MMP28: variants seen among roughly 807,000 people sequenced by gnomAD.
MMP28 encodes matrix metallopeptidase 28.
In MMP28, 55 loss-of-function variants were observed where a neutral mutation model predicts 60.5. The observed-to-expected ratio is 0.91, with a 90% CI of 0.73 to 1.14. The LOEUF (loss-of-function observed/expected upper bound fraction) is 1.14. Among genes scored for constraint, MMP28 ranks in the 50% most tolerant of loss-of-function variants. The pLI is 0.00. For missense variants in MMP28, 686 were observed against 738.3 expected (o/e 0.93, Z 0.82); for synonymous variants, 318 against 312.5 (o/e 1.02, Z -0.18).
chr17:35,767,110 C>A (rs546091160), intron 7 of MMP28: 2 of 706,604 alleles, frequency 2.8e-6, no homozygotes, highest in Non-Finnish European at 5.1e-6. Flanking sequence ...CAGCAGGTGT[C>A]AGCAGAGGGC....
chr17:35,760,875 T>G, downstream of MMP28: 1 of 1,599,028 alleles, frequency 6.3e-7, no homozygotes. Context: ...CAAAGTTCTA[T>G]GGGTTCTGGG....
rs116384806 is a variant in MMP28, at chr17:35,778,280, G to A, written c.379+608C>T. Among the ~76,000 whole-genome samples the A allele has an allele frequency of 5.3e-3, 805 of 152,240 alleles. 6 individuals carry two copies. The highest frequency in any genetic ancestry group is 0.012 in the African/African-American group (507 of 41,540). ...TCCATTGAGACAGAAGTGGATTAGCGGTTGCCAGAGGCTAGGGGAGGGGGA... is the reference window on the plus strand; with the variant it reads ...TCCATTGAGACAGAAGTGGATTAGCAGTTGCCAGAGGCTAGGGGAGGGGGA... On this transcript the variant is annotated intron_variant, in intron 3 of 7. Transcript: ENST00000605424.
intron 1 of MMP28, among the ~76,000 whole-genome samples, chr17:35,782,068 T>C (rs2143484027): frequency 6.6e-6 from 1 of 150,932 alleles, no homozygotes; most frequent in African/African-American, 2.4e-5. Context: ...TTTTTTTTTT[T>C]TGAGACAGAG....
At chr17:35,758,600 G>A (rs1243998019) in intron 2 of MMP28, among the ~76,000 whole-genome samples, 1 of 152,142 alleles carries the variant, frequency 6.6e-6, no homozygotes, top group African/African-American at 2.4e-5. Flanking sequence ...ATTGAGGCAG[G>A]AGAATTGCTT....
chr17:35,773,790 T>G (rs2086243919), intron 3 of MMP28, among the ~76,000 whole-genome samples: 1 of 152,206 alleles, frequency 6.6e-6, no homozygotes, highest in African/African-American at 2.4e-5. Flanking sequence ...CTGTGTCTGT[T>G]GCTACCAGCA....
At chr17:35,782,113 G>A (rs562974019) in intron 1 of MMP28, among the ~76,000 whole-genome samples, 108 of 149,912 alleles carry the variant, frequency 7.2e-4, no homozygotes, top group Middle Eastern at 6.8e-3. Flanking sequence ...GTACAGTGGC[G>A]TGATCTTGGC....
intron 3 of MMP28, among the ~76,000 whole-genome samples, chr17:35,775,820 A>G (rs760265526): frequency 6.6e-6 from 1 of 152,230 alleles, no homozygotes; most frequent in Non-Finnish European, 1.5e-5. Context: ...AAGGAACAGG[A>G]AGCCTGCAGG....
chr17:35,768,674 G>A (rs956218573), intron 5 of MMP28, among the ~76,000 whole-genome samples: 1 of 152,182 alleles, frequency 6.6e-6, no homozygotes, highest in Admixed American at 6.5e-5. Flanking sequence ...ACCAGGCATG[G>A]TGGTGCACAC....
chr17:35,759,916 C>T (rs1463799683), intron 2 of MMP28, among the ~76,000 whole-genome samples: 1 of 152,198 alleles, frequency 6.6e-6, no homozygotes, highest in African/African-American at 2.4e-5. Context: ...TTTCTGGCAG[C>T]ACCCATGAAA....
At chr17:35,778,675 A>G in intron 3 of MMP28, 1 of 1,186,276 alleles carries the variant, frequency 8.4e-7, no homozygotes, top group Non-Finnish European at 1.1e-6. Flanking sequence ...CACTTGTACA[A>G]TGAAAATTCA....
chr17:35,791,836 C>T lies in MMP28; in HGVS notation c.111+3431G>A, dbSNP rs187488322. Among the ~76,000 whole-genome samples the T allele has an allele frequency of 3.7e-4, 56 of 152,302 alleles. 1 individual carries two copies. Among genetic ancestry groups the T allele is most frequent in the Admixed American group, 3.3e-3 (50 of 15,296 alleles). ...AAGCATCACACAGTCTCACCCTACACGTGCTAGCACAGTCCCCAGGGAAGG... is the reference window on the plus strand; with the variant it reads ...AAGCATCACACAGTCTCACCCTACATGTGCTAGCACAGTCCCCAGGGAAGG... On this transcript the variant is annotated intron_variant, in intron 1 of 7. Coordinates refer to ENST00000605424, the MANE Select transcript of MMP28 (RefSeq NM_024302.5).
At position 35,766,900 on chromosome 17, in the gene MMP28, G is replaced by A. The variant is rs1555603680; in HGVS notation, c.1169-6C>T. The A allele has an allele frequency of 6.4e-7, 1 of 1,568,346 alleles. No homozygotes were observed. Among genetic ancestry groups the A allele is most frequent in the South Asian group, 1.2e-5 (1 of 85,212 alleles). Reference sequence around the variant, plus strand: ...GAACCTCCAGCATCGACCCCCTGTGGGGAATTGGGAGAGCCAGGGTGAGCT... The same window carrying A: ...GAACCTCCAGCATCGACCCCCTGTGAGGAATTGGGAGAGCCAGGGTGAGCT... On this transcript the variant is annotated splice_region_variant and splice_polypyrimidine_tract_variant and intron_variant, in intron 7 of 7. Coordinates refer to ENST00000605424, the MANE Select transcript of MMP28 (RefSeq NM_024302.5). This position sits in a 1 kb window ranked among gnomAD's most constrained non-coding sequence, Gnocchi z 4.3.
intron 4 of MMP28, among the ~76,000 whole-genome samples, chr17:35,772,625 G>A (rs2086191060): frequency 6.6e-6 from 1 of 152,232 alleles, no homozygotes; most frequent in African/African-American, 2.4e-5. Context: ...AGGTTCTGAA[G>A]GCTAGCGTTA....
intron 2 of MMP28, among the ~76,000 whole-genome samples, chr17:35,758,809 A>G (rs587644732): frequency 6.6e-6 from 1 of 152,236 alleles, no homozygotes; most frequent in Non-Finnish European, 1.5e-5. Flanking sequence ...AACCCAAAAC[A>G]GCCTTGGGAA....
At position 35,766,937 on chromosome 17, in the gene MMP28, C is replaced by T. The variant is rs1555603710; in HGVS notation, c.1169-43G>A. 6 of 1,530,896 alleles carry T rather than the reference C, an allele frequency of 3.9e-6. No homozygotes were observed. The Admixed American group carries it at 1.2e-4, about 30-fold the overall frequency. 94.8% of individuals were successfully genotyped at this position (1,530,896 alleles called of 1,614,324 possible). A position where few individuals can be genotyped will look rare whatever the true frequency, so the allele number is the denominator to read the frequency against. On this transcript the variant is annotated intron_variant, in intron 7 of 7. Coordinates refer to ENST00000605424, the MANE Select transcript of MMP28 (RefSeq NM_024302.5). The surrounding 1 kb of genome is among the most constrained non-coding windows in gnomAD (Gnocchi z 4.3). ...AGCCAGGGTGAGCTGGAGGCTGTCACCCATTGGCCCTCTACCCCACTTCTG... is the reference window on the plus strand; with the variant it reads ...AGCCAGGGTGAGCTGGAGGCTGTCATCCATTGGCCCTCTACCCCACTTCTG...
chr17:35,774,728 C>T (rs1389193656), intron 3 of MMP28, among the ~76,000 whole-genome samples: 1 of 152,170 alleles, frequency 6.6e-6, no homozygotes, highest in African/African-American at 2.4e-5. Context: ...CTGGCAGCCA[C>T]CCAACCTCTG....
chr17:35,771,628 G>A (rs1264897368), intron 4 of MMP28, among the ~76,000 whole-genome samples: 1 of 134,472 alleles, frequency 7.4e-6, no homozygotes, highest in Non-Finnish European at 1.6e-5. Context: ...TTAATAAAAA[G>A]TATAATTTTT....
chr17:35,768,132 CT>C, intron 6 of MMP28, 97 bp downstream of exon 6: 1 of 1,454,924 alleles, frequency 6.9e-7, no homozygotes. Flanking sequence ...GGATTTCTGG[CT>C]TTTACAGTCC....
At chr17:35,775,929 A>G (rs1555607531) in intron 3 of MMP28, among the ~76,000 whole-genome samples, 1 of 152,100 alleles carries the variant, frequency 6.6e-6, no homozygotes, top group African/African-American at 2.4e-5. Flanking sequence ...GCTGGAGTGC[A>G]GTGGTGCCAT....
Sources: allele counts gnomAD v4.1 joint callset (sites outside exome capture counted in the v4.1 genomes callset), GRCh38; gene constraint gnomAD v4.1.1; non-coding constraint Gnocchi (gnomAD v3.1); transcripts MANE v1.5; gene names NCBI Gene and HGNC (gene_info 2026-07-23, HGNC 2026-07-21).